The following PTPRN2 variants were observed in gnomAD, a reference collection of about 807,000 sequenced individuals.
The protein encoded by PTPRN2 is protein tyrosine phosphatase receptor type N2, also known as receptor-type tyrosine-protein phosphatase N2.
Under a neutral mutation model 118.8 loss-of-function variants are expected in PTPRN2, and 74 were observed. The ratio of observed to expected loss-of-function variants is 0.62; its 90% CI spans 0.52 to 0.76. PTPRN2 has a LOEUF of 0.76. Among genes scored for constraint, PTPRN2 ranks in the 30% least tolerant of loss-of-function variants. PTPRN2 has a pLI of 0.00. For missense variants in PTPRN2, 1,481 were observed against 1,394.4 expected (o/e 1.06, Z -0.99); for synonymous variants, 641 against 608.0 (o/e 1.05, Z -0.80).
chr7:158,436,763 T>C (rs936201577), intron 2 of PTPRN2, among the ~76,000 whole-genome samples: 3 of 152,210 alleles, frequency 2.0e-5, no homozygotes, highest in Non-Finnish European at 4.4e-5. Flanking sequence ...TGGTTTCTGG[T>C]GAAACAATTC....
intron 13 of PTPRN2, among the ~76,000 whole-genome samples, chr7:157,657,414 TACACACACATACGCC>T (rs1795588940): frequency 9.8e-6 from 1 of 102,496 alleles, no homozygotes; most frequent in Non-Finnish European, 1.9e-5. Flanking sequence ...ATCACACATA[TACACACACATACGCC>T]ACACACACAC....
chr7:158,238,154 T>C (rs527292654), intron 3 of PTPRN2, among the ~76,000 whole-genome samples: 43 of 152,136 alleles, frequency 2.8e-4, no homozygotes, highest in Non-Finnish European at 4.9e-4. Context: ...TGTCCGGCTC[T>C]GATTGGAAAA....
rs185652894 is a variant in PTPRN2 at position 157,576,492 on chromosome 7, C to G, written c.2783+121G>C. 466 of 1,072,202 alleles carry G rather than the reference C, an allele frequency of 4.3e-4. 1 individual carries two copies. In the African/African-American group the frequency reaches 5.7e-3, roughly 13 times the overall value. The allele number at this position is 1,072,202 out of a possible 1,614,324, so 66.4% of individuals were successfully genotyped here. A position where few individuals can be genotyped will look rare whatever the true frequency, so the allele number is the denominator to read the frequency against. On this transcript the variant is annotated intron_variant, in intron 19 of 22. Transcript: ENST00000389418. ...GCCTCTCGCTTCCCTTCCCCTCCCCCCTGCGGCGCCGACACAGACGCGGCC... is the reference window on the plus strand; with the variant it reads ...GCCTCTCGCTTCCCTTCCCCTCCCCGCTGCGGCGCCGACACAGACGCGGCC...
At position 158,003,817 on chromosome 7, in the gene PTPRN2, C is replaced by A. The variant is rs1002013271; in HGVS notation, c.1723+77481G>T. On this transcript the variant is annotated intron_variant, in intron 11 of 22. Transcript: ENST00000389418. The surrounding 1 kb of genome is among the most constrained non-coding windows in gnomAD (Gnocchi z 5.0). ...CGCCAAGGCCAGTGGTAAAACGGGC[C>A]TCTGCTTTTTTTAAAGAATAGCTTG... Among the ~76,000 whole-genome samples the A allele has an allele frequency of 6.6e-6, 1 of 152,186 alleles. No individual in the cohort carries two copies. Among genetic ancestry groups the A allele is most frequent in the African/African-American group, 2.4e-5 (1 of 41,440 alleles).
At chr7:158,258,321 G>A (rs927819514) in intron 3 of PTPRN2, among the ~76,000 whole-genome samples, 1 of 152,242 alleles carries the variant, frequency 6.6e-6, no homozygotes, top group Non-Finnish European at 1.5e-5. Context: ...TGCCCTGCGC[G>A]ACTGGCGTGG....
chr7:157,860,294 C>G (rs1470688054), intron 12 of PTPRN2, among the ~76,000 whole-genome samples: 1 of 152,202 alleles, frequency 6.6e-6, no homozygotes, highest in African/African-American at 2.4e-5. Flanking sequence ...GAGGGTGGTG[C>G]CCAAGCCAAG....
At chr7:158,302,428 C>G (rs1329747238) in intron 3 of PTPRN2, among the ~76,000 whole-genome samples, 2 of 152,266 alleles carry the variant, frequency 1.3e-5, no homozygotes, top group Non-Finnish European at 2.9e-5. Context: ...GAGCACCTCA[C>G]AGGATCAGCT....
At position 158,061,427 on chromosome 7, in the gene PTPRN2, G is replaced by A. The variant is rs112082908; in HGVS notation, c.1723+19871C>T. Among the ~76,000 whole-genome samples, 343 of 152,342 alleles carry A rather than the reference G, an allele frequency of 2.3e-3. 2 individuals carry two copies. Among genetic ancestry groups the A allele is most frequent in the African/African-American group, 7.8e-3 (325 of 41,584 alleles). On this transcript the variant is annotated intron_variant, in intron 11 of 22. Transcript: ENST00000389418. Reference sequence around the variant, plus strand: ...TCTCTCCCATCCACCTGCCGCTGTGGCTCAGACCCCAGGCACAACACAAGC... The same window carrying A: ...TCTCTCCCATCCACCTGCCGCTGTGACTCAGACCCCAGGCACAACACAAGC...
At chr7:158,265,179 C>G (rs1305420256) in intron 3 of PTPRN2, among the ~76,000 whole-genome samples, 2 of 152,178 alleles carry the variant, frequency 1.3e-5, no homozygotes, top group African/African-American at 4.8e-5. Context: ...CTAGCAAGGC[C>G]TCTCGGTAGT....
Position 157,587,265 on chromosome 7 carries a change from GACAA to G in PTPRN2, c.2496+7969_2496+7972del, listed in dbSNP as rs1005315566. ...AGCGAGACAGGCAGACAGACAGGCA[GACAA>G]ACAGGCAGACAGGCAGACGAGCCAC... is the stretch of plus-strand genomic sequence containing the variant. On this transcript the variant is annotated intron_variant, in intron 17 of 22. Coordinates refer to ENST00000389418, the MANE Select transcript of PTPRN2 (RefSeq NM_002847.5). This position sits in a 1 kb window ranked among gnomAD's most constrained non-coding sequence, Gnocchi z 5.3. Among the ~76,000 whole-genome samples the G allele has an allele frequency of 2.9e-5, 4 of 139,292 alleles. No individual in the cohort carries two copies. Among genetic ancestry groups the G allele is most frequent in the Admixed American group, 1.4e-4 (2 of 13,852 alleles). The allele number at this position is 139,292 out of a possible 152,430, so 91.4% of individuals were successfully genotyped here.
intron 11 of PTPRN2, among the ~76,000 whole-genome samples, chr7:157,982,247 C>A (rs1292752245): frequency 7.0e-6 from 1 of 142,778 alleles, no homozygotes; most frequent in African/African-American, 2.6e-5. Context: ...TGCGGGGTCC[C>A]CCCAAACCCC....
At chr7:158,200,160 C>T (rs1341409199) in intron 4 of PTPRN2, among the ~76,000 whole-genome samples, 1 of 152,158 alleles carries the variant, frequency 6.6e-6, no homozygotes, top group Admixed American at 6.5e-5. Flanking sequence ...GCTTTGGAAA[C>T]ACCACTTGAT....
At position 158,459,403 on chromosome 7, in the gene PTPRN2, G is replaced by A. The variant is rs189074546; in HGVS notation, c.163+30332C>T. ...ACGGGCTCCAGAATCCAGAGCCCTC[G>A]CCTGGGACGAACGGGATCCAGAATC... On this transcript the variant is annotated intron_variant, in intron 2 of 22. Coordinates refer to ENST00000389418, the MANE Select transcript of PTPRN2 (RefSeq NM_002847.5). Among the ~76,000 whole-genome samples, 61 of 150,740 alleles carry A rather than the reference G, an allele frequency of 4.0e-4. No individual in the cohort carries two copies. The East Asian group carries it at 8.6e-3, about 21-fold the overall frequency.
intron 5 of PTPRN2, among the ~76,000 whole-genome samples, chr7:158,174,901 G>A (rs552661310): frequency 6.6e-6 from 1 of 152,230 alleles, no homozygotes; most frequent in African/African-American, 2.4e-5. Context: ...ACTTTACTGG[G>A]GCCGGGAGTA....
Position 158,317,497 on chromosome 7 carries a change from A to G in PTPRN2, c.164-565T>C, listed in dbSNP as rs6943680. 7.7e-3 allele frequency among the ~76,000 whole-genome samples: 1,177 copies of G among 152,336 alleles called. 16 individuals carry two copies. Among genetic ancestry groups the G allele is most frequent in the African/African-American group, 0.027 (1,108 of 41,572 alleles). On this transcript the variant is annotated intron_variant, in intron 2 of 22. Transcript: ENST00000389418. ...AATGGGGACTAATTTATTTAGCTCGATTCCATTTGTCTGAAATGGCAGACT... is the reference window on the plus strand; with the variant it reads ...AATGGGGACTAATTTATTTAGCTCGGTTCCATTTGTCTGAAATGGCAGACT...
At chr7:158,331,820 G>A (rs200083405) in intron 2 of PTPRN2, among the ~76,000 whole-genome samples, 36 of 145,868 alleles carry the variant, frequency 2.5e-4, no homozygotes, top group Admixed American at 2.0e-3. Context: ...GTCACCCTAA[G>A]AGGTGACACC....
chr7:157,888,029 C>T (rs1453026229), intron 12 of PTPRN2, among the ~76,000 whole-genome samples: 1 of 142,684 alleles, frequency 7.0e-6, no homozygotes, highest in African/African-American at 2.5e-5. Context: ...GGTGAGATGC[C>T]ACAGGCTCCC....
At position 157,822,347 on chromosome 7, in the gene PTPRN2, G is replaced by A. The variant is rs377537092; in HGVS notation, c.1788+76326C>T. Among the ~76,000 whole-genome samples the A allele has an allele frequency of 6.9e-5, 10 of 145,422 alleles. No homozygotes were observed. In the East Asian group the frequency reaches 1.1e-3, roughly 16 times the overall value. ...CTCCCACTCATCCATCCATCCATCC[G>A]TCCATCCATCTATACACTATCCATC... On this transcript the variant is annotated intron_variant, in intron 12 of 22. Transcript: ENST00000389418.
chr7:158,450,406 CTTTT>C, intron 2 of PTPRN2, among the ~76,000 whole-genome samples: 1 of 152,208 alleles, frequency 6.6e-6, no homozygotes, highest in East Asian at 1.9e-4. Flanking sequence ...TTCATTCTTG[CTTTT>C]TTTAACCTCA....
Sources: allele counts gnomAD v4.1 joint callset (sites outside exome capture counted in the v4.1 genomes callset), GRCh38; gene constraint gnomAD v4.1.1; non-coding constraint Gnocchi (gnomAD v3.1); transcripts MANE v1.5; gene names NCBI Gene and HGNC (gene_info 2026-07-23, HGNC 2026-07-21).